The following LSS variants were observed in gnomAD, a reference collection of about 807,000 sequenced individuals.
The protein encoded by LSS is lanosterol synthase.
Under a neutral mutation model 110.3 loss-of-function variants are expected in LSS, and 90 were observed. The ratio of observed to expected loss-of-function variants is 0.82; its 90% confidence interval spans 0.69 to 0.97. LSS has a LOEUF of 0.97. Among genes scored for constraint, LSS ranks in the 50% least tolerant of loss-of-function variants. The probability of loss-of-function intolerance (pLI) is 0.00; values close to 1 mark genes in which losing one functional copy is unlikely to be tolerated. For missense variants in LSS, 927 were observed against 990.0 expected, an observed-to-expected ratio of 0.94 and a Z score of 0.85; for synonymous variants, 433 against 400.0, an observed-to-expected ratio of 1.08 and a Z score of -0.98.
At chr21:46,225,465 C>CGG (rs988135369) in intron 3 of LSS, 63 of 447,216 alleles carry the variant, frequency 1.4e-4, no homozygotes, top group African/African-American at 1.2e-3. Flanking sequence ...TCCCTTTCCC[C>CGG]GGGGGAGTTT....
intron 19 of LSS, among the ~76,000 whole-genome samples, chr21:46,195,117 C>T (rs1316692127): frequency 9.2e-5 from 14 of 152,162 alleles, no homozygotes; most frequent in Admixed American, 7.2e-4. Flanking sequence ...CCCGCTCCAG[C>T]GAGGCCGTGG....
Position 46,188,741 on chromosome 21 carries a change from G to A in LSS, c.*2363C>T. On this transcript the variant is annotated 3_prime_UTR_variant, in exon 22 of 22. Coordinates refer to ENST00000397728, the MANE Select transcript of LSS (RefSeq NM_002340.6). ...TGATTTCTAAAGAAGACTGAAGGCA[G>A]GGATACTGACACTGAAGTCCTGCCT... is the stretch of plus-strand genomic sequence containing the variant. The A allele has an allele frequency of 4.2e-6, 2 of 471,220 alleles. No homozygotes were observed. Among genetic ancestry groups the A allele is most frequent in the Non-Finnish European group, 8.8e-6 (2 of 227,098 alleles). 29.2% of individuals were successfully genotyped at this position (471,220 alleles called of 1,614,324 possible).
chr21:46,196,125 T>C, intron 18 of LSS, 77 bp downstream of exon 18: 2 of 1,420,722 alleles, frequency 1.4e-6, no homozygotes, highest in Non-Finnish European at 2.0e-6. Flanking sequence ...CAAGCCAACA[T>C]TTATGAACGC....
chr21:46,225,925 G>T (rs2080334386), intron 3 of LSS, among the ~76,000 whole-genome samples: 3 of 152,110 alleles, frequency 2.0e-5, no homozygotes, highest in Admixed American at 2.0e-4. Flanking sequence ...CCCGGGCCCA[G>T]CTGTCTTTTC....
In LSS at chr21:46,221,939, C is replaced by A; in HGVS notation, c.465G>T (p.Ala155=). ...IEDKSTVFGT[A]LNYVSLRILG... ...GAATTCTGAGAGACACATAGTTGAG[C>A]GCAGTCCCAAACACGGTGGACTTAT... The change falls in exon 5 of 22, where the codon GCG becomes GCT. Residue 155 remains alanine, a synonymous_variant. Coordinates refer to ENST00000397728, the MANE Select transcript of LSS (RefSeq NM_002340.6). 1 of 1,614,140 alleles carries A rather than the reference C, an allele frequency of 6.2e-7. No homozygotes were observed. The highest frequency in any genetic ancestry group is 8.5e-7 in the Non-Finnish European group (1 of 1,180,016).
At chr21:46,199,785 T>A (rs902274423) in intron 17 of LSS, among the ~76,000 whole-genome samples, 5 of 152,210 alleles carry the variant, frequency 3.3e-5, no homozygotes, top group African/African-American at 1.2e-4. Context: ...ATATCAGTGT[T>A]TGCTACTAAG....
chr21:46,198,633 A>G (rs751128791), intron 17 of LSS, among the ~76,000 whole-genome samples: 4 of 152,182 alleles, frequency 2.6e-5, no homozygotes, highest in Non-Finnish European at 5.9e-5. Context: ...TGCAAGGCCT[A>G]CTACAGAGCT....
chr21:46,214,656 G>C (rs56680704), intron 9 of LSS, among the ~76,000 whole-genome samples: 6,661 of 152,248 alleles, frequency 0.044, 358 homozygotes, highest in African/African-American at 0.12. Context: ...GCACAGCCCG[G>C]GAATTGCACC....
intron 5 of LSS, among the ~76,000 whole-genome samples, chr21:46,220,730 A>G: frequency 6.6e-6 from 1 of 151,960 alleles, no homozygotes; most frequent in East Asian, 1.9e-4. Flanking sequence ...GCCTATAGGC[A>G]AGAGGAGAGG....
At chr21:46,192,312 G>A (rs548706269) in intron 20 of LSS, 12 of 419,900 alleles carry the variant, frequency 2.9e-5, no homozygotes, top group Non-Finnish European at 5.4e-5. Context: ...TTGCTTGCTG[G>A]CCAGGATAAG....
intron 17 of LSS, among the ~76,000 whole-genome samples, chr21:46,199,401 C>G (rs554092067): frequency 6.6e-6 from 1 of 152,206 alleles, no homozygotes; most frequent in Non-Finnish European, 1.5e-5. Context: ...ACAAAACGCT[C>G]ATCATTGCTG....
intron 17 of LSS, among the ~76,000 whole-genome samples, chr21:46,203,218 T>G (rs1448987588): frequency 6.6e-6 from 1 of 152,194 alleles, no homozygotes; most frequent in Non-Finnish European, 1.5e-5. Context: ...TGAATAAATA[T>G]TTAACAAGAA....
chr21:46,215,676 G>A lies in LSS; in HGVS notation c.892+9C>T, dbSNP rs1202731808. 2 of 1,594,024 alleles carry A rather than the reference G, an allele frequency of 1.3e-6. No individual in the cohort carries two copies. Among genetic ancestry groups the A allele is most frequent in the Non-Finnish European group, 1.7e-6 (2 of 1,166,342 alleles). On this transcript the variant is annotated intron_variant, in intron 8 of 21. Coordinates refer to ENST00000397728, the MANE Select transcript of LSS (RefSeq NM_002340.6). The stretch of plus-strand genomic sequence containing the variant: ...GGGCTGCCCTGCCGGCCCCTCAGGA[G>A]GCGCTCACCATATACCACGCGGAGC...
chr21:46,208,339 A>G, intron 13 of LSS, 38 bp from the exon 14 acceptor site: 1 of 1,527,486 alleles, frequency 6.5e-7, no homozygotes, highest in Non-Finnish European at 8.9e-7. Flanking sequence ...AGCAGAGAAC[A>G]CGTCACCACG....
chr21:46,228,533 G>T lies in LSS; in HGVS notation c.81C>A (p.Leu27=). The T allele has an allele frequency of 6.3e-7, 1 of 1,599,750 alleles. No individual in the cohort carries two copies. The highest frequency in any genetic ancestry group is 8.5e-7 in the Non-Finnish European group (1 of 1,178,778). The change falls in exon 2 of 22, where the codon CTC becomes CTA. Residue 27 remains leucine, a synonymous_variant. Transcript: ENST00000397728. The part of the protein sequence containing the change: ...EPATDLGRWR[L]NCERGRQTWT... ...ACGTCTGCCGGCCCCTCTCGCAGTT[G>T]AGTCGCCAGCGGCCGAGGTCGGTGG...
At chr21:46,225,850 T>C (rs2080333093) in intron 3 of LSS, among the ~76,000 whole-genome samples, 1 of 152,100 alleles carries the variant, frequency 6.6e-6, no homozygotes, top group South Asian at 2.1e-4. Flanking sequence ...TTGTATCCAA[T>C]AAATATCAGC....
intron 3 of LSS, among the ~76,000 whole-genome samples, chr21:46,223,944 G>A (rs1325456416): frequency 6.6e-6 from 1 of 152,206 alleles, no homozygotes; most frequent in Non-Finnish European, 1.5e-5. Flanking sequence ...CCCTTTCCCC[G>A]GGGGAATTTA....
chr21:46,192,653 CTGTGCATG>C (rs2079837834), intron 20 of LSS: 1 of 450,512 alleles, frequency 2.2e-6, no homozygotes, highest in African/African-American at 2.1e-5. Flanking sequence ...GCACAGGTGC[CTGTGCATG>C]TGTACATGTG....
In LSS at chr21:46,206,786, A is replaced by G; in HGVS notation, c.1468-18T>C. ...TTCAGCAGCTGAAATCACAGAGAGCACCCTAGAACTCGCCCATGTGCTGAG... is the reference window on the plus strand; with the variant it reads ...TTCAGCAGCTGAAATCACAGAGAGCGCCCTAGAACTCGCCCATGTGCTGAG... On this transcript the variant is annotated intron_variant, in intron 15 of 21. Coordinates refer to ENST00000397728, the MANE Select transcript of LSS (RefSeq NM_002340.6). 1 of 1,596,276 alleles carries G rather than the reference A, an allele frequency of 6.3e-7. No individual in the cohort carries two copies. The highest frequency in any genetic ancestry group is 1.1e-5 in the South Asian group (1 of 90,864).
Sources: allele counts gnomAD v4.1 joint callset (sites outside exome capture counted in the v4.1 genomes callset), GRCh38; gene constraint gnomAD v4.1.1; transcripts MANE v1.5; gene names NCBI Gene and HGNC (gene_info 2026-07-23, HGNC 2026-07-21).